The following TPCN1 variants were observed in gnomAD, a reference collection of about 807,000 sequenced individuals.
TPCN1 encodes the protein two pore segment channel 1.
Under a neutral mutation model 108.8 loss-of-function variants are expected in TPCN1, and 52 were observed. The observed-to-expected ratio is 0.48, with a 90% CI of 0.38 to 0.60. The LOEUF is 0.60. TPCN1 is among the 20% of genes least tolerant of loss of function. TPCN1 has a pLI of 0.00. For synonymous variants in TPCN1, 446 were observed against 433.7 expected (o/e 1.03, Z -0.35); for missense variants, 806 against 1,072.8 (o/e 0.75, Z 3.47).
At chr12:113,277,465 G>A in intron 12 of TPCN1, 101 bp downstream of exon 12, 1 of 1,441,802 alleles carries the variant, frequency 6.9e-7, no homozygotes, top group Non-Finnish European at 9.6e-7. Flanking sequence ...CAGGCCTATA[G>A]GCTTGTCAGA....
chr12:113,261,498 G>A (rs1392014701), intron 3 of TPCN1, among the ~76,000 whole-genome samples: 3 of 138,144 alleles, frequency 2.2e-5, no homozygotes, highest in Non-Finnish European at 4.5e-5. Flanking sequence ...GCTTGATCTC[G>A]GCTCAGTGCA....
chr12:113,271,727 G>A (rs990482383), intron 7 of TPCN1, among the ~76,000 whole-genome samples: 1 of 152,210 alleles, frequency 6.6e-6, no homozygotes, highest in Non-Finnish European at 1.5e-5. Context: ...ACTCCTGTGT[G>A]TTTCCCGGTG....
chr12:113,233,625 G>T (rs775756258), intron 2 of TPCN1, among the ~76,000 whole-genome samples: 2 of 152,230 alleles, frequency 1.3e-5, no homozygotes, highest in African/African-American at 2.4e-5. Flanking sequence ...CCTTCTCCCC[G>T]CAGTCAGGTA....
At chr12:113,245,649 A>G (rs908573986) in intron 2 of TPCN1, among the ~76,000 whole-genome samples, 8 of 151,472 alleles carry the variant, frequency 5.3e-5, no homozygotes, top group Non-Finnish European at 8.8e-5. Flanking sequence ...GCCCCTCAGT[A>G]TCACCCTTCC....
At chr12:113,265,537 TC>T (rs1183051285) in intron 3 of TPCN1, among the ~76,000 whole-genome samples, 1 of 151,650 alleles carries the variant, frequency 6.6e-6, no homozygotes, top group Non-Finnish European at 1.5e-5. Flanking sequence ...GGACCTTTTT[TC>T]TTTTTCTTTC....
In TPCN1 at chr12:113,268,934, T is replaced by C; in HGVS notation, c.659+62T>C. The C allele has an allele frequency of 1.9e-6, 3 of 1,598,626 alleles. No individual in the cohort carries two copies. Among genetic ancestry groups the C allele is most frequent in the South Asian group, 1.1e-5 (1 of 90,202 alleles). On this transcript the variant is annotated intron_variant, in intron 6 of 27. Coordinates refer to ENST00000335509, the MANE Select transcript of TPCN1 (RefSeq NM_017901.6). The surrounding 1 kb of genome is among the most constrained non-coding windows in gnomAD (Gnocchi z 7.3). Reference sequence around the variant, plus strand: ...TGGCATGGCCTGACCTCTGGGCCAGTGGGGCAGGAGCTTGTGAGTCAGTTA... The same window carrying C: ...TGGCATGGCCTGACCTCTGGGCCAGCGGGGCAGGAGCTTGTGAGTCAGTTA...
rs774226634 is a variant in TPCN1 at position 113,268,890 on chromosome 12, A to G, written c.659+18A>G. The G allele has an allele frequency of 6.2e-7, 1 of 1,612,972 alleles. No individual in the cohort carries two copies. Among genetic ancestry groups the G allele is most frequent in the African/African-American group, 1.3e-5 (1 of 74,818 alleles). On this transcript the variant is annotated intron_variant, in intron 6 of 27. Transcript: ENST00000335509. This position sits in a 1 kb window ranked among gnomAD's most constrained non-coding sequence, Gnocchi z 7.3. ...GTCCGGCGGTAAGGCCCGGGTGGGGAGCTGGGCAGTCACTATCCTGGCATG... is the reference window on the plus strand; with the variant it reads ...GTCCGGCGGTAAGGCCCGGGTGGGGGGCTGGGCAGTCACTATCCTGGCATG...
At chr12:113,234,242 C>G in intron 2 of TPCN1, among the ~76,000 whole-genome samples, 1 of 152,324 alleles carries the variant, frequency 6.6e-6, no homozygotes, top group Middle Eastern at 3.4e-3. Context: ...CCATGCACGC[C>G]TTTTCCTGAT....
intron 1 of TPCN1, among the ~76,000 whole-genome samples, chr12:113,223,108 T>C (rs1468676117): frequency 6.6e-6 from 1 of 152,146 alleles, no homozygotes; most frequent in Non-Finnish European, 1.5e-5. Flanking sequence ...CTGCTGAGAT[T>C]TAAAAGCAAA....
chr12:113,229,834 C>T (rs1953615318), intron 2 of TPCN1, among the ~76,000 whole-genome samples: 1 of 152,184 alleles, frequency 6.6e-6, no homozygotes, highest in African/African-American at 2.4e-5. Flanking sequence ...TGGTTGTTGC[C>T]TTGTTTTAAA....
rs78972443 is a variant in TPCN1, at chr12:113,256,517, G to C, written c.113-3851G>C. 4.7e-3 allele frequency among the ~76,000 whole-genome samples: 716 copies of C among 152,304 alleles called. 9 individuals carry two copies. Among genetic ancestry groups the C allele is most frequent in the African/African-American group, 0.016 (648 of 41,556 alleles). On this transcript the variant is annotated intron_variant, in intron 2 of 27. Coordinates refer to ENST00000335509, the MANE Select transcript of TPCN1 (RefSeq NM_017901.6). ...TGATTTTAAGACTTATAAAGCCTCA[G>C]TAACCAAGACATCGAGGTATTGATG...
At chr12:113,228,297 T>C (rs1177993476) in intron 2 of TPCN1, among the ~76,000 whole-genome samples, 1 of 152,184 alleles carries the variant, frequency 6.6e-6, no homozygotes, top group African/African-American at 2.4e-5. Context: ...TCCTTTTTTC[T>C]TCATCACCCT....
chr12:113,265,787 C>T (rs565435374), intron 3 of TPCN1, among the ~76,000 whole-genome samples: 20 of 152,084 alleles, frequency 1.3e-4, no homozygotes, highest in African/African-American at 3.6e-4. Context: ...CATGAGCCAC[C>T]GCACCCAGCC....
chr12:113,249,686 G>A (rs1566155162), intron 2 of TPCN1: 2 of 152,304 alleles, frequency 1.3e-5, no homozygotes, highest in Non-Finnish European at 2.9e-5. Flanking sequence ...CAAAAACGAA[G>A]TACTAGGAGA....
chr12:113,241,213 G>A (rs1168359624), intron 2 of TPCN1, among the ~76,000 whole-genome samples: 2 of 152,240 alleles, frequency 1.3e-5, no homozygotes, highest in Non-Finnish European at 2.9e-5. Context: ...AGGAATTCAG[G>A]GCCCTGGAGA....
intron 2 of TPCN1, among the ~76,000 whole-genome samples, chr12:113,254,683 C>A (rs1284895970): frequency 6.6e-6 from 1 of 152,100 alleles, no homozygotes; most frequent in Admixed American, 6.6e-5. Context: ...GTATTTCTAA[C>A]CTGAATATCC....
At chr12:113,238,885 C>T (rs1383074124) in intron 2 of TPCN1, among the ~76,000 whole-genome samples, 2 of 152,164 alleles carry the variant, frequency 1.3e-5, no homozygotes, top group African/African-American at 4.8e-5. Flanking sequence ...AATCTTAGCA[C>T]TTTGGGAGAC....
In TPCN1 at chr12:113,266,159, A is replaced by C. The variant is rs146023305; in HGVS notation, c.238-21A>C. The C allele has an allele frequency of 1.2e-6, 2 of 1,613,186 alleles. No homozygotes were observed. On this transcript the variant is annotated intron_variant, in intron 3 of 27. Coordinates refer to ENST00000335509, the MANE Select transcript of TPCN1 (RefSeq NM_017901.6). The surrounding 1 kb of genome is among the most constrained non-coding windows in gnomAD (Gnocchi z 4.2). ...GATGGGTCTCCAGGCTTACATGCCC[A>C]CACTACTCTCATCTTTTCAGGAAGG...
At chr12:113,240,128 T>C (rs1302221191) in intron 2 of TPCN1, among the ~76,000 whole-genome samples, 1 of 152,190 alleles carries the variant, frequency 6.6e-6, no homozygotes, top group Non-Finnish European at 1.5e-5. Context: ...GCCAGTCTGG[T>C]AGCTTCAACA....
Sources: allele counts gnomAD v4.1 joint callset (sites outside exome capture counted in the v4.1 genomes callset), GRCh38; gene constraint gnomAD v4.1.1; non-coding constraint Gnocchi (gnomAD v3.1); transcripts MANE v1.5; gene names NCBI Gene and HGNC (gene_info 2026-07-23, HGNC 2026-07-21).